Variants in CEP162 observed in about 807,000 individuals in gnomAD.
CEP162 encodes the protein centrosomal protein of 162 kDa.
Under a neutral mutation model 169.2 loss-of-function variants are expected in CEP162, and 141 were observed. That is an observed-to-expected ratio of 0.83 (90% CI 0.73 to 0.96). CEP162 has a LOEUF of 0.96. Among genes scored for constraint, CEP162 ranks in the 40% least tolerant of loss-of-function variants. The probability of loss-of-function intolerance (pLI) is 0.00; values close to 1 mark genes in which losing one functional copy is unlikely to be tolerated. For synonymous variants in CEP162, 540 were observed against 526.4 expected (o/e 1.03, Z -0.35); for missense variants, 1,600 against 1,587.2 (o/e 1.01, Z -0.14).
chr6:84,186,647 A>G (rs1386035049), intron 11 of CEP162, 24 bp from the exon 12 acceptor site: 1 of 1,569,586 alleles, frequency 6.4e-7, no homozygotes, highest in South Asian at 1.2e-5. Flanking sequence ...CAGGACACAG[A>G]TAATGAACCC....
chr6:84,200,402 G>T (rs9294295), intron 9 of CEP162, among the ~76,000 whole-genome samples: 5,992 of 152,252 alleles, frequency 0.039, 213 homozygotes, highest in African/African-American at 0.098. Context: ...TGGGGATGGG[G>T]TGTAGCTTTT....
In CEP162 at chr6:84,146,728, G is replaced by T; in HGVS notation, c.3829C>A (p.Leu1277Ile). 1 of 1,583,326 alleles carries T rather than the reference G, an allele frequency of 6.3e-7. No homozygotes were observed. The highest frequency in any genetic ancestry group is 8.6e-7 in the Non-Finnish European group (1 of 1,164,036). The change falls in exon 25 of 27, where the codon CTC becomes ATC. Residue 1277 changes from leucine to isoleucine, a missense_variant. By Grantham distance (5) the Leu-to-Ile change is conservative (BLOSUM62 2). Coordinates refer to ENST00000403245, the MANE Select transcript of CEP162 (RefSeq NM_014895.4). Reference protein sequence around the residue: ...VNELQSKQESLVVSEVREEIL... With the variant: ...VNELQSKQESIVVSEVREEIL... ...TCTTCTCGAACTTCAGAAACTACGA[G>T]AGACTCTTGTTTACTCTGCAGCTCA... is the stretch of plus-strand genomic sequence containing the variant.
intron 18 of CEP162, among the ~76,000 whole-genome samples, chr6:84,164,165 A>G (rs2099526860): frequency 6.6e-6 from 1 of 152,180 alleles, no homozygotes; most frequent in Non-Finnish European, 1.5e-5. Flanking sequence ...ATCTCAAGCC[A>G]TTAGAATGAT....
intron 25 of CEP162, among the ~76,000 whole-genome samples, chr6:84,137,869 A>G (rs1271954641): frequency 1.3e-5 from 2 of 152,220 alleles, no homozygotes; most frequent in African/African-American, 2.4e-5. Context: ...GTTAGCATCA[A>G]CGGAAGAGGT....
chr6:84,223,898 T>C (rs997131223), intron 2 of CEP162, among the ~76,000 whole-genome samples: 6 of 149,914 alleles, frequency 4.0e-5, no homozygotes, highest in Non-Finnish European at 8.9e-5. Context: ...AGAGCAAGAC[T>C]CAGTCTCAAG....
At position 84,128,410 on chromosome 6, in the gene CEP162, A is replaced by T. The variant is rs1415912162; in HGVS notation, c.3871-1898T>A. 2.0e-5 allele frequency among the ~76,000 whole-genome samples: 3 copies of T among 152,168 alleles called. No homozygotes were observed. In the East Asian group the frequency reaches 5.8e-4, roughly 29 times the overall value. ...ACTTCCTGCTATGTACACATTATTT[A>T]AAAAAACTGGAAACAACCTGCATGC... On this transcript the variant is annotated intron_variant, in intron 25 of 26. Transcript: ENST00000403245.
rs531186404 is a variant in CEP162 at position 84,213,953 on chromosome 6, A to G, written c.504-929T>C. Among the ~76,000 whole-genome samples, 14 of 152,328 alleles carry G rather than the reference A, an allele frequency of 9.2e-5. No homozygotes were observed. In the South Asian group the frequency reaches 2.7e-3, roughly 29 times the overall value. On this transcript the variant is annotated intron_variant, in intron 5 of 26. Coordinates refer to ENST00000403245, the MANE Select transcript of CEP162 (RefSeq NM_014895.4). The stretch of plus-strand genomic sequence containing the variant: ...ATTTGGGTAACATTTCCGACCAAAC[A>G]AAGAGCAGGCTTGTTTCCACTTACT...
intron 17 of CEP162, among the ~76,000 whole-genome samples, chr6:84,170,272 G>A (rs2099529505): frequency 6.6e-6 from 1 of 150,912 alleles, no homozygotes; most frequent in Admixed American, 6.6e-5. Context: ...TACTCGGGAG[G>A]CTGAGGCAGG....
At chr6:84,225,579 T>C (rs544696960) in intron 2 of CEP162, among the ~76,000 whole-genome samples, 3 of 141,104 alleles carry the variant, frequency 2.1e-5, no homozygotes, top group Non-Finnish European at 3.2e-5. Flanking sequence ...TTATTAAGTA[T>C]TTATTAGGTA....
intron 9 of CEP162, 35 bp from the exon 10 acceptor site, chr6:84,195,110 C>T: frequency 6.9e-7 from 1 of 1,442,638 alleles, no homozygotes; most frequent in Non-Finnish European, 9.4e-7. Flanking sequence ...GAAATAATTA[C>T]ATCACAAATA....
At chr6:84,155,818 C>A (rs1046287164) in intron 21 of CEP162, among the ~76,000 whole-genome samples, 1 of 152,128 alleles carries the variant, frequency 6.6e-6, no homozygotes, top group African/African-American at 2.4e-5. Context: ...AAGCAATCTA[C>A]AAATTCAATT....
At chr6:84,184,771 C>A (rs939198236) in intron 13 of CEP162, among the ~76,000 whole-genome samples, 1 of 151,892 alleles carries the variant, frequency 6.6e-6, no homozygotes, top group African/African-American at 2.4e-5. Flanking sequence ...TATCTATAAT[C>A]TATATTTCCC....
intron 25 of CEP162, among the ~76,000 whole-genome samples, chr6:84,131,179 T>A (rs2099511231): frequency 1.3e-5 from 2 of 152,240 alleles, no homozygotes; most frequent in African/African-American, 2.4e-5. Context: ...GTGAGTTTTT[T>A]AATCCTGAGT....
chr6:84,177,220 T>G (rs1333789552), intron 13 of CEP162, among the ~76,000 whole-genome samples: 1 of 152,204 alleles, frequency 6.6e-6, no homozygotes, highest in African/African-American at 2.4e-5. Flanking sequence ...CCTTCCCTAG[T>G]TGATAGGCTA....
At chr6:84,170,020 G>C (rs1416333663) in intron 17 of CEP162, among the ~76,000 whole-genome samples, 1 of 152,018 alleles carries the variant, frequency 6.6e-6, no homozygotes, top group African/African-American at 2.4e-5. Context: ...TCTTCTTTTA[G>C]AAGCCAAGTA....
intron 25 of CEP162, among the ~76,000 whole-genome samples, chr6:84,142,264 T>C (rs540848375): frequency 7.2e-5 from 11 of 152,358 alleles, no homozygotes; most frequent in Admixed American, 2.6e-4. Context: ...ATTTATTCTA[T>C]CTGCCAAATA....
At chr6:84,169,043 G>A (rs1205687895) in intron 18 of CEP162, among the ~76,000 whole-genome samples, 1 of 152,042 alleles carries the variant, frequency 6.6e-6, no homozygotes, top group Non-Finnish European at 1.5e-5. Context: ...CTCTGATATG[G>A]CTCTATGATA....
At chr6:84,226,480 T>C (rs1336585785) in intron 1 of CEP162, 28 bp from the exon 2 acceptor site, 1 of 963,538 alleles carries the variant, frequency 1.0e-6, no homozygotes, top group African/African-American at 1.6e-5. Context: ...TAAACATCTT[T>C]TGAGGAAATC....
At position 84,215,281 on chromosome 6, in the gene CEP162, C is replaced by T; in HGVS notation, c.503+1G>A. 1 of 1,523,420 alleles carries T rather than the reference C, an allele frequency of 6.6e-7. No homozygotes were observed. Among genetic ancestry groups the T allele is most frequent in the Non-Finnish European group, 9.0e-7 (1 of 1,114,354 alleles). The allele number at this position is 1,523,420 out of a possible 1,614,324, so 94.4% of individuals were successfully genotyped here. A position where few individuals can be genotyped will look rare whatever the true frequency, so the allele number is the denominator to read the frequency against. On this transcript the variant is annotated splice_donor_variant, in intron 5 of 26. Transcript: ENST00000403245. LOFTEE classifies it high-confidence loss of function. ...CATTAATAGTTTACACTGTACTTTACCTATGTAAAGCTTTAAAATGTGTAG... is the reference window on the plus strand; with the variant it reads ...CATTAATAGTTTACACTGTACTTTATCTATGTAAAGCTTTAAAATGTGTAG...
Sources: allele counts gnomAD v4.1 joint callset (sites outside exome capture counted in the v4.1 genomes callset), GRCh38; gene constraint gnomAD v4.1.1; transcripts MANE v1.5; gene names NCBI Gene and HGNC (gene_info 2026-07-23, HGNC 2026-07-21).